Variants in ETV6 observed in about 807,000 individuals in gnomAD.
ETV6 encodes transcription factor ETV6.
In ETV6, 16 loss-of-function variants were observed where a neutral mutation model predicts 51.1. The observed-to-expected ratio is 0.31, with a 90% CI of 0.21 to 0.48. The LOEUF is 0.48. Among genes scored for constraint, ETV6 ranks in the 20% least tolerant of loss-of-function variants. The pLI is 0.99. For missense variants in ETV6, 458 were observed against 594.8 expected (o/e 0.77, Z 2.39); for synonymous variants, 240 against 224.1 (o/e 1.07, Z -0.64).
At chr12:11,667,101 G>C (rs182858013) in intron 1 of ETV6, among the ~76,000 whole-genome samples, 1 of 152,314 alleles carries the variant, frequency 6.6e-6, no homozygotes, top group Non-Finnish European at 1.5e-5. Context: ...CGGAAGTTGT[G>C]CTCCCTCTTA....
intron 1 of ETV6, among the ~76,000 whole-genome samples, chr12:11,722,913 C>T (rs143391407): frequency 6.3e-4 from 96 of 152,314 alleles, no homozygotes; most frequent in African/African-American, 2.3e-3. Flanking sequence ...GGGCCGTTCT[C>T]TCAGAGTTTC....
At chr12:11,790,572 A>C (rs2136385248) in intron 2 of ETV6, among the ~76,000 whole-genome samples, 1 of 152,168 alleles carries the variant, frequency 6.6e-6, no homozygotes, top group East Asian at 1.9e-4. Flanking sequence ...TGGGAGAAGA[A>C]GGGGTAGGGG....
chr12:11,804,690 T>C (rs1945803723), intron 2 of ETV6, among the ~76,000 whole-genome samples: 1 of 152,222 alleles, frequency 6.6e-6, no homozygotes. Context: ...TCCTGCACTA[T>C]TTTTCTTCTT....
intron 1 of ETV6, among the ~76,000 whole-genome samples, chr12:11,727,969 G>A (rs979337435): frequency 5.3e-5 from 8 of 152,068 alleles, no homozygotes; most frequent in South Asian, 4.1e-4. Context: ...ACAGACACGC[G>A]CCACCACGCC....
intron 1 of ETV6, among the ~76,000 whole-genome samples, chr12:11,657,568 T>A (rs1169193358): frequency 6.6e-6 from 1 of 152,234 alleles, no homozygotes; most frequent in Admixed American, 6.5e-5. Flanking sequence ...GATGAATGAT[T>A]TATGAAAAGT....
At chr12:11,805,250 C>T (rs926814434) in intron 2 of ETV6, among the ~76,000 whole-genome samples, 1 of 152,294 alleles carries the variant, frequency 6.6e-6, no homozygotes, top group East Asian at 1.9e-4. Context: ...CCCCTGCAGG[C>T]AGATTGAGTT....
chr12:11,842,407 T>TACACACACACACACACACACAC (rs6144615), intron 3 of ETV6, among the ~76,000 whole-genome samples: 6 of 147,832 alleles, frequency 4.1e-5, no homozygotes, highest in East Asian at 1.9e-4. Flanking sequence ...TTGACACAGA[T>TACACACACACACACACACACAC]ACACACACAC....
At chr12:11,793,242 C>G (rs774784825) in intron 2 of ETV6, among the ~76,000 whole-genome samples, 9 of 152,174 alleles carry the variant, frequency 5.9e-5, no homozygotes, top group Non-Finnish European at 1.0e-4. Flanking sequence ...TCATTTTATC[C>G]TCCCAAGAGC....
intron 2 of ETV6, among the ~76,000 whole-genome samples, chr12:11,780,960 G>A (rs1398531037): frequency 6.6e-6 from 1 of 152,202 alleles, no homozygotes; most frequent in Non-Finnish European, 1.5e-5. Flanking sequence ...AAGGTGAACA[G>A]CTTGGGTTTC....
chr12:11,848,869 T>G (rs967649476), intron 3 of ETV6, among the ~76,000 whole-genome samples: 1 of 152,228 alleles, frequency 6.6e-6, no homozygotes, highest in Non-Finnish European at 1.5e-5. Context: ...TAGGGCTCAG[T>G]TCCATTGAAT....
chr12:11,656,060 C>T (rs1294040378), intron 1 of ETV6, among the ~76,000 whole-genome samples: 1 of 152,158 alleles, frequency 6.6e-6, no homozygotes, highest in Admixed American at 6.5e-5. Flanking sequence ...CTTCTTCTTC[C>T]TCCTCCATCA....
chr12:11,727,134 C>T (rs900714575), intron 1 of ETV6, among the ~76,000 whole-genome samples: 1 of 152,214 alleles, frequency 6.6e-6, no homozygotes, highest in African/African-American at 2.4e-5. Flanking sequence ...GGAACACCAG[C>T]ATGCAGAGGA....
At chr12:11,719,368 C>T (rs146498516) in intron 1 of ETV6, among the ~76,000 whole-genome samples, 7 of 152,328 alleles carry the variant, frequency 4.6e-5, no homozygotes, top group Non-Finnish European at 7.3e-5. Context: ...CATAGACCCA[C>T]GAAAGATCCT....
intron 2 of ETV6, among the ~76,000 whole-genome samples, chr12:11,801,913 A>G (rs762723): frequency 0.077 from 11,729 of 152,222 alleles, 509 homozygotes; most frequent in Middle Eastern, 0.11. Context: ...ATTTCTTCCT[A>G]TGCCATCCAG....
intron 4 of ETV6, among the ~76,000 whole-genome samples, chr12:11,854,476 G>C (rs753704121): frequency 9.9e-5 from 15 of 152,214 alleles, no homozygotes; most frequent in Admixed American, 2.0e-4. Context: ...CAAAGAAAAT[G>C]ACGTAAGGGT....
chr12:11,654,874 C>T (rs1373346191), intron 1 of ETV6, among the ~76,000 whole-genome samples: 1 of 152,142 alleles, frequency 6.6e-6, no homozygotes, highest in Non-Finnish European at 1.5e-5. Context: ...ACTTTAATTT[C>T]TGTGTAGTAA....
At chr12:11,787,158 C>G (rs1221570246) in intron 2 of ETV6, among the ~76,000 whole-genome samples, 1 of 152,172 alleles carries the variant, frequency 6.6e-6, no homozygotes. Context: ...TGAGGTTGCT[C>G]TGCTTATGGC....
intron 2 of ETV6, among the ~76,000 whole-genome samples, chr12:11,824,093 G>T (rs1946120203): frequency 6.6e-6 from 1 of 152,252 alleles, no homozygotes; most frequent in South Asian, 2.1e-4. Context: ...AAGGGGCTCT[G>T]TGTTTCCCAG....
intron 1 of ETV6, among the ~76,000 whole-genome samples, chr12:11,650,481 T>TA (rs367594605): frequency 0.071 from 3,060 of 43,034 alleles, 207 homozygotes; most frequent in East Asian, 0.18. Context: ...TTAGTGCGCT[T>TA]AAAAAAAAAA....
Sources: allele counts gnomAD v4.1 joint callset (sites outside exome capture counted in the v4.1 genomes callset), GRCh38; gene constraint gnomAD v4.1.1; transcripts MANE v1.5; gene names NCBI Gene and HGNC (gene_info 2026-07-23, HGNC 2026-07-21).